ELMO1: variants seen among roughly 807,000 people sequenced by gnomAD.
ELMO1 encodes engulfment and cell motility 1.
In ELMO1, 26 loss-of-function variants were observed where a neutral mutation model predicts 98.9. That is an observed-to-expected ratio of 0.26 (90% CI 0.19 to 0.36). ELMO1 has a LOEUF of 0.36. Ranked by LOEUF, ELMO1 falls within the 10% of genes least tolerant of loss-of-function variation. The probability of loss-of-function intolerance (pLI) is 1.00; values close to 1 mark genes in which losing one functional copy is unlikely to be tolerated. For missense variants in ELMO1, 627 were observed against 935.2 expected, an observed-to-expected ratio of 0.67 and a Z score of 4.30; for synonymous variants, 346 against 346.0, an observed-to-expected ratio of 1.00 and a Z score of 0.00.
At chr7:36,881,105 A>G (rs1719200669) in intron 18 of ELMO1, among the ~76,000 whole-genome samples, 1 of 152,224 alleles carries the variant, frequency 6.6e-6, no homozygotes, top group African/African-American at 2.4e-5. Context: ...CTCCTCATCA[A>G]TTAGGAAGTC....
intron 16 of ELMO1, among the ~76,000 whole-genome samples, chr7:36,999,489 T>A (rs747797347): frequency 6.6e-6 from 1 of 152,172 alleles, no homozygotes; most frequent in African/African-American, 2.4e-5. Flanking sequence ...ACGAAGGAGC[T>A]AGGGTGTGAA....
At chr7:37,436,564 G>A (rs2131578438) in intron 1 of ELMO1, among the ~76,000 whole-genome samples, 1 of 152,314 alleles carries the variant, frequency 6.6e-6, no homozygotes, top group South Asian at 2.1e-4. Flanking sequence ...TTAGTGTCTA[G>A]ATGAAGGTTT....
Position 37,278,701 on chromosome 7 carries a change from C to T in ELMO1, c.193-6819G>A, listed in dbSNP as rs115413024. On this transcript the variant is annotated intron_variant, in intron 4 of 21. Transcript: ENST00000310758. ...TTCCTTGCAGTCAGTTCCTATACAT[C>T]TCCTACTGGTACTGCATCTCTAGTG... Among the ~76,000 whole-genome samples, 665 of 152,308 alleles carry T rather than the reference C, an allele frequency of 4.4e-3. 6 individuals are homozygous for T. The highest frequency in any genetic ancestry group is 0.015 in the African/African-American group (624 of 41,560).
chr7:37,291,531 G>T (rs765671849), intron 4 of ELMO1, among the ~76,000 whole-genome samples: 1 of 152,158 alleles, frequency 6.6e-6, no homozygotes, highest in East Asian at 1.9e-4. Context: ...ATTGGACAAA[G>T]AATGTATAGG....
At chr7:37,338,064 C>G (rs1800519607) in intron 2 of ELMO1, among the ~76,000 whole-genome samples, 1 of 152,124 alleles carries the variant, frequency 6.6e-6, no homozygotes, top group Non-Finnish European at 1.5e-5. Flanking sequence ...AATGGAAGTG[C>G]AGGTGAAAAG....
chr7:37,422,759 A>C (rs1334303728), intron 1 of ELMO1, among the ~76,000 whole-genome samples: 1 of 152,210 alleles, frequency 6.6e-6, no homozygotes, highest in African/African-American at 2.4e-5. Context: ...GAAATCTAAA[A>C]ATCAGACAAG....
intron 15 of ELMO1, among the ~76,000 whole-genome samples, chr7:37,045,142 C>G (rs1180675658): frequency 6.6e-6 from 1 of 152,152 alleles, no homozygotes; most frequent in African/African-American, 2.4e-5. Context: ...GAATAGAAAT[C>G]AATGACCAAA....
chr7:37,159,561 G>A lies in ELMO1; in HGVS notation c.1087-26327C>T, dbSNP rs969124054. The stretch of plus-strand genomic sequence containing the variant: ...ACTAAAATACAAAAATTAGCCAGGC[G>A]TGGTGGTGTGCACCTATAGTCCCAG... On this transcript the variant is annotated intron_variant, in intron 13 of 21. Coordinates refer to ENST00000310758, the MANE Select transcript of ELMO1 (RefSeq NM_014800.11). 7.2e-5 allele frequency among the ~76,000 whole-genome samples: 11 copies of A among 152,114 alleles called. No individual in the cohort carries two copies. In the East Asian group the frequency reaches 1.2e-3, roughly 16 times the overall value.
At chr7:37,089,860 T>C (rs758236836) in intron 15 of ELMO1, among the ~76,000 whole-genome samples, 2 of 152,226 alleles carry the variant, frequency 1.3e-5, no homozygotes, top group African/African-American at 2.4e-5. Flanking sequence ...TGTGGTCATA[T>C]AACATACTCA....
chr7:36,862,146 G>A, intron 20 of ELMO1: 1 of 207,252 alleles, frequency 4.8e-6, no homozygotes. Context: ...CAAAAACCCA[G>A]TAAACTCCCA....
intron 15 of ELMO1, among the ~76,000 whole-genome samples, chr7:37,077,494 G>A (rs902890846): frequency 6.6e-6 from 1 of 152,200 alleles, no homozygotes; most frequent in African/African-American, 2.4e-5. Context: ...TTTTAGACAG[G>A]TCTGACAATG....
intron 13 of ELMO1, among the ~76,000 whole-genome samples, chr7:37,150,518 AT>A (rs1788289999): frequency 6.6e-6 from 1 of 152,124 alleles, no homozygotes; most frequent in African/African-American, 2.4e-5. Flanking sequence ...TGCATAGAGT[AT>A]TTACTTATGA....
chr7:37,112,363 GA>G lies in ELMO1; in HGVS notation c.1192-15637del, dbSNP rs201701348. 2.7e-3 allele frequency among the ~76,000 whole-genome samples: 406 copies of G among 152,220 alleles called. 3 individuals carry two copies. The highest frequency in any genetic ancestry group is 9.2e-3 in the African/African-American group (384 of 41,544). On this transcript the variant is annotated intron_variant, in intron 14 of 21. Transcript: ENST00000310758. ...TGAGGTTCTGCAGGATTAATCCAGG[GA>G]TAAGTGGGCAAGCAGGGAAGGGATG...
chr7:37,081,546 G>A (rs187164410), intron 15 of ELMO1, among the ~76,000 whole-genome samples: 14 of 152,256 alleles, frequency 9.2e-5, no homozygotes, highest in East Asian at 7.7e-4. Context: ...ACTGAAACAC[G>A]GGAGCAATTT....
chr7:36,929,358 C>CT (rs1217318486), intron 16 of ELMO1, among the ~76,000 whole-genome samples: 1 of 152,192 alleles, frequency 6.6e-6, no homozygotes, highest in African/African-American at 2.4e-5. Flanking sequence ...CCTCTCAAAT[C>CT]TGAGTTTTCT....
intron 16 of ELMO1, among the ~76,000 whole-genome samples, chr7:36,912,474 G>C (rs1784407530): frequency 6.6e-6 from 1 of 152,174 alleles, no homozygotes; most frequent in South Asian, 2.1e-4. Context: ...AAAGACAGGA[G>C]GGAGTTGCTG....
At chr7:37,043,973 TGAA>T (rs1366391775) in intron 15 of ELMO1, among the ~76,000 whole-genome samples, 1 of 152,120 alleles carries the variant, frequency 6.6e-6, no homozygotes, top group African/African-American at 2.4e-5. Context: ...CTTGAAATAA[TGAA>T]GTAGTCTTTT....
At chr7:37,440,298 C>T (rs1562693749) in intron 1 of ELMO1, among the ~76,000 whole-genome samples, 1 of 151,976 alleles carries the variant, frequency 6.6e-6, no homozygotes, top group Non-Finnish European at 1.5e-5. Flanking sequence ...AAAAATTAGC[C>T]AGGTGTGATG....
intron 18 of ELMO1, among the ~76,000 whole-genome samples, chr7:36,882,065 A>G (rs6956590): frequency 0.2 from 30,048 of 152,086 alleles, 3,233 homozygotes; most frequent in Middle Eastern, 0.29. Context: ...CAGTTCAGTG[A>G]GACACAGGGC....
Sources: gnomAD v4.1 joint callset for allele counts (sites outside exome capture counted in the v4.1 genomes callset) on GRCh38, gnomAD v4.1.1 for gene constraint, MANE v1.5 for transcripts, NCBI Gene and HGNC (gene_info 2026-07-23, HGNC 2026-07-21) for gene names.